Variants in SLC12A7 observed in about 807,000 individuals in gnomAD.
The protein encoded by SLC12A7 is K-Cl cotransporter 4.
In SLC12A7, 100 loss-of-function variants were observed where a neutral mutation model predicts 120.6. The observed-to-expected ratio is 0.83, with a 90% CI of 0.71 to 0.98. The LOEUF is 0.98. SLC12A7 is among the 50% of genes least tolerant of loss of function. The pLI is 0.00. For synonymous variants in SLC12A7, 760 were observed against 678.0 expected, an observed-to-expected ratio of 1.12 and a Z score of -1.88; for missense variants, 1,373 against 1,548.1, an observed-to-expected ratio of 0.89 and a Z score of 1.90.
chr5:1,134,236 A>G, the SLC12A7 span, among the ~76,000 whole-genome samples: 11,043 of 152,024 alleles, frequency 0.073, 673 homozygotes, highest in African/African-American at 0.16. Flanking sequence ...TTTGGAGGCC[A>G]AGGTGGGCGG....
At chr5:1,147,016 C>T in the SLC12A7 span, among the ~76,000 whole-genome samples, 25 of 152,346 alleles carry the variant, frequency 1.6e-4, no homozygotes, top group Admixed American at 1.0e-3. Context: ...CACAGACTTT[C>T]GCTCTTTTCA....
chr5:1,094,089 C>T (rs1740843548), intron 2 of SLC12A7, 65 bp downstream of exon 2: 2 of 1,380,886 alleles, frequency 1.4e-6, no homozygotes, highest in Non-Finnish European at 2.1e-6. Context: ...CCCCCAGGGG[C>T]TCCTTTACTT....
At chr5:1,148,347 C>T in the SLC12A7 span, among the ~76,000 whole-genome samples, 1 of 151,388 alleles carries the variant, frequency 6.6e-6, no homozygotes, top group East Asian at 2.0e-4. Context: ...GCTGGGACTA[C>T]AGGCGCCCAC....
rs898094248 is a variant in SLC12A7, at chr5:1,059,772, T to C, written c.2847+572A>G. On this transcript the variant is annotated intron_variant, in intron 21 of 23. Coordinates refer to ENST00000264930, the MANE Select transcript of SLC12A7 (RefSeq NM_006598.3). ...CAGGTCTGTGTCGGGGGGTGGGGGG[T>C]GGGGGGGTTGGCAACTCCCCTCCAG... Among the ~76,000 whole-genome samples, 15 of 50,732 alleles carry C rather than the reference T, an allele frequency of 3.0e-4. No homozygotes were observed. The Admixed American group carries it at 3.4e-3, about 12-fold the overall frequency. The allele number at this position is 50,732 out of a possible 152,430, so 33.3% of individuals were successfully genotyped here.
the SLC12A7 span, among the ~76,000 whole-genome samples, chr5:1,122,615 C>T: frequency 5.9e-5 from 9 of 152,254 alleles, no homozygotes; most frequent in Non-Finnish European, 1.2e-4. Flanking sequence ...AGGCCTCTCC[C>T]CAGCCTGGCA....
the SLC12A7 span, among the ~76,000 whole-genome samples, chr5:1,151,352 T>C: frequency 2.8e-4 from 43 of 152,228 alleles, no homozygotes; most frequent in South Asian, 8.5e-3. The surrounding 1 kb of genome is among the most constrained non-coding windows in gnomAD (Gnocchi z 6.2). Flanking sequence ...ACACATCTCA[T>C]TGAAGATGTC....
intron 17 of SLC12A7, among the ~76,000 whole-genome samples, chr5:1,066,900 AG>A (rs1209613809): frequency 3.3e-5 from 5 of 152,072 alleles, no homozygotes; most frequent in Admixed American, 6.5e-5. Flanking sequence ...CTTTGCTGTG[AG>A]CCGTGTGGTC....
In SLC12A7 at chr5:1,052,331, G is replaced by C; in HGVS notation, c.*29C>G. 1 of 1,592,648 alleles carries C rather than the reference G, an allele frequency of 6.3e-7. No homozygotes were observed. Among genetic ancestry groups the C allele is most frequent in the Non-Finnish European group, 8.6e-7 (1 of 1,161,730 alleles). ...GCTGCCCACGCCGTCCTCCGTGCCT[G>C]TCCCAGAGTGCCGTGATGCTGTTGG... On this transcript the variant is annotated 3_prime_UTR_variant, in exon 24 of 24. Coordinates refer to ENST00000264930, the MANE Select transcript of SLC12A7 (RefSeq NM_006598.3).
At chr5:1,117,727 C>T in the SLC12A7 span, among the ~76,000 whole-genome samples, 8 of 152,170 alleles carry the variant, frequency 5.3e-5, no homozygotes, top group African/African-American at 1.9e-4. The surrounding 1 kb of genome is among the most constrained non-coding windows in gnomAD (Gnocchi z 4.5). Context: ...TCTGACCTGA[C>T]CAATCAGCAC....
At chr5:1,118,616 C>T in the SLC12A7 span, among the ~76,000 whole-genome samples, 2 of 152,192 alleles carry the variant, frequency 1.3e-5, no homozygotes, top group African/African-American at 4.8e-5. Context: ...CTTTCTAGAC[C>T]GGGGGATGCC....
the SLC12A7 span, among the ~76,000 whole-genome samples, chr5:1,148,205 CTTTT>C: frequency 9.3e-6 from 1 of 107,634 alleles, no homozygotes; most frequent in Non-Finnish European, 1.8e-5. Context: ...TTCTTTCTTT[CTTTT>C]TTTTTTTTTT....
the SLC12A7 span, among the ~76,000 whole-genome samples, chr5:1,147,741 A>AAATT: frequency 6.6e-6 from 1 of 152,148 alleles, no homozygotes; most frequent in African/African-American, 2.4e-5. Flanking sequence ...TTATTTAATT[A>AAATT]AATTAATTAA....
In SLC12A7 at chr5:1,075,413, A is replaced by G; in HGVS notation, c.1925T>C (p.Met642Thr). 1 of 1,612,480 alleles carries G rather than the reference A, an allele frequency of 6.2e-7. No individual in the cohort carries two copies. The highest frequency in any genetic ancestry group is 8.5e-7 in the Non-Finnish European group (1 of 1,179,598). The change falls in exon 15 of 24, where the codon ATG (methionine) becomes ACG (threonine). Residue 642 changes from methionine (M) to threonine (T), a missense_variant. By Grantham distance (81) the Met-to-Thr change is moderately conservative (BLOSUM62 -1). Coordinates refer to ENST00000264930, the MANE Select transcript of SLC12A7 (RefSeq NM_006598.3). Reference protein sequence around the residue: ...ICSWYYALSAMLIAGCIYKYI... With the variant: ...ICSWYYALSATLIAGCIYKYI... ...CTTGTAGATGCAGCCAGCGATGAGC[A>G]TGGCGGACAGCGCGTAGTACCAGGA...
In SLC12A7 at chr5:1,051,957, G is replaced by A. The variant is rs970123854; in HGVS notation, c.*403C>T. On this transcript the variant is annotated 3_prime_UTR_variant, in exon 24 of 24. Transcript: ENST00000264930. ...CATCATCAGGGACAGCTTCAGCTCC[G>A]GGTGCTCTTCCAAGAATGTTCTGGA... The A allele has an allele frequency of 4.0e-5, 8 of 201,432 alleles. No individual in the cohort carries two copies. Among genetic ancestry groups the A allele is most frequent in the African/African-American group, 1.2e-4 (5 of 42,868 alleles). The allele number at this position is 201,432 out of a possible 1,614,324, so 12.5% of individuals were successfully genotyped here.
upstream of SLC12A7, among the ~76,000 whole-genome samples, chr5:1,115,125 G>C (rs11954838): frequency 6.6e-6 from 1 of 152,118 alleles, no homozygotes; most frequent in Non-Finnish European, 1.5e-5. Context: ...TGCCCAGGGG[G>C]CCTCTTCAAA....
rs375421282 is a variant in SLC12A7 at position 1,076,714 on chromosome 5, G to A, written c.1728C>T (p.Ser576=). ...ETGILIASLD[S]VAPILSMFFL... The stretch of plus-strand genomic sequence containing the variant: ...CTCACATGGAGAGGATCGGGGCCAC[G>A]CTGTCCAGAGAGGCGATGAGGATGC... Residue 576 remains serine (S), a synonymous_variant, in exon 13 of 24, where the codon AGC becomes AGT. Transcript: ENST00000264930. 3.2e-5 allele frequency: 52 copies of A among 1,610,626 alleles called. No homozygotes were observed. The highest frequency in any genetic ancestry group is 2.8e-4 in the African/African-American group (21 of 74,858).
At position 1,093,665 on chromosome 5, in the gene SLC12A7, G is replaced by A. The variant is rs368760154; in HGVS notation, c.220-10C>T. 22 of 1,612,392 alleles carry A rather than the reference G, an allele frequency of 1.4e-5. No homozygotes were observed. Among genetic ancestry groups the A allele is most frequent in the Non-Finnish European group, 1.8e-5 (21 of 1,179,604 alleles). On this transcript the variant is annotated splice_polypyrimidine_tract_variant and intron_variant, in intron 2 of 23. Coordinates refer to ENST00000264930, the MANE Select transcript of SLC12A7 (RefSeq NM_006598.3). ...TACTGTCCATCTCCTCCTGCGCGGC[G>A]TGGACATGGTCACAGGCGGCCCGCA...
the SLC12A7 span, among the ~76,000 whole-genome samples, chr5:1,118,615 C>T: frequency 6.6e-6 from 1 of 152,208 alleles, no homozygotes; most frequent in Non-Finnish European, 1.5e-5. Flanking sequence ...CCTTTCTAGA[C>T]CGGGGGATGC....
At chr5:1,084,048 GC>G (rs1481182818) in intron 7 of SLC12A7, 92 bp from the exon 8 acceptor site, 2 of 1,085,434 alleles carry the variant, frequency 1.8e-6, no homozygotes, top group Non-Finnish European at 2.7e-6. Context: ...CCATGGTGTC[GC>G]CCGCGAGTGG....
Sources: gnomAD v4.1 joint callset for allele counts (sites outside exome capture counted in the v4.1 genomes callset) on GRCh38, gnomAD v4.1.1 for gene constraint, Gnocchi (gnomAD v3.1) non-coding constraint, MANE v1.5 for transcripts, NCBI Gene and HGNC (gene_info 2026-07-23, HGNC 2026-07-21) for gene names.